The following GK variants were observed in gnomAD, a reference collection of about 807,000 sequenced individuals.
The protein encoded by GK is ATP:glycerol 3-phosphotransferase.
A neutral mutation model predicts 56.4 loss-of-function variants in GK; 9 were observed. The observed-to-expected ratio is 0.16, with a 90% CI of 0.10 to 0.28. GK has a LOEUF of 0.28. Ranked by LOEUF, GK falls within the 10% of genes least tolerant of loss-of-function variation. The pLI is 1.00. For synonymous variants in GK, 104 were observed against 144.1 expected (o/e 0.72, Z 1.99); for missense variants, 161 against 431.4 (o/e 0.37, Z 5.55).
intron 14 of GK, among the ~76,000 whole-genome samples, chrX:30,718,841 A>G (rs1335662589): frequency 8.9e-6 from 1 of 111,979 alleles, no homozygotes; most frequent in Admixed American, 9.5e-5. Flanking sequence ...TGTAGGGCAT[A>G]AAAATTACCC....
intron 16 of GK, 120 bp from the exon 17 acceptor site, chrX:30,720,501 G>A (rs1185244919): frequency 7.5e-6 from 5 of 666,450 alleles, no homozygotes; most frequent in Admixed American, 4.7e-5. Flanking sequence ...AGAATAAGAA[G>A]TCTCAATTTA....
At chrX:30,711,238 G>A (rs762336090) in intron 13 of GK, among the ~76,000 whole-genome samples, 65 of 109,414 alleles carry the variant, frequency 5.9e-4, no homozygotes, top group African/African-American at 2.1e-3. Flanking sequence ...CTGAGGATGA[G>A]TATAAAAGCC....
At chrX:30,661,815 A>G (rs965055703) in intron 1 of GK, among the ~76,000 whole-genome samples, 23 of 112,529 alleles carry the variant, frequency 2.0e-4, no homozygotes, top group Non-Finnish European at 1.1e-4. Flanking sequence ...CAGGCTAGAC[A>G]TTGTATAAAG....
chrX:30,699,058 G>A (rs1264292035), intron 9 of GK, among the ~76,000 whole-genome samples: 1 of 104,696 alleles, frequency 9.6e-6, no homozygotes, highest in Non-Finnish European at 1.9e-5. Flanking sequence ...TTTAACAGAC[G>A]GGATATCTAA....
chrX:30,657,971 G>T (rs989982894), intron 1 of GK, among the ~76,000 whole-genome samples: 1 of 112,264 alleles, frequency 8.9e-6, no homozygotes, highest in African/African-American at 3.2e-5. Flanking sequence ...TGATCATCTT[G>T]TGACTCAAAT....
chrX:30,704,924 G>A (rs1366082408), intron 11 of GK, among the ~76,000 whole-genome samples: 1 of 112,038 alleles, frequency 8.9e-6, no homozygotes, highest in Non-Finnish European at 1.9e-5. Context: ...TAGAAGCCTG[G>A]TTGCAAATGG....
At chrX:30,693,688 G>A (rs7878037) in intron 5 of GK, among the ~76,000 whole-genome samples, 54,733 of 109,576 alleles carry the variant, frequency 0.5, 10,886 homozygotes, top group African/African-American at 0.75. Flanking sequence ...AGCTGAGATT[G>A]CAGGTGTGTG....
chrX:30,718,504 A>T (rs1465282153), intron 13 of GK, 34 bp from the exon 14 acceptor site: 38 of 966,619 alleles, frequency 3.9e-5, no homozygotes, highest in Non-Finnish European at 4.3e-5. Flanking sequence ...TAGTGATAAA[A>T]TATATTCTGT....
At chrX:30,662,738 C>T (rs200190996) in intron 1 of GK, among the ~76,000 whole-genome samples, 746 of 73,651 alleles carry the variant, frequency 0.01, 5 homozygotes, top group Middle Eastern at 0.017. Flanking sequence ...TCTTTCTTTC[C>T]TTCTTTCTTT....
Position 30,677,466 on chromosome X carries a change from C to A in GK, c.337+14C>A. 1 of 934,877 alleles carries A rather than the reference C, an allele frequency of 1.1e-6. No individual in the cohort carries two copies. The highest frequency in any genetic ancestry group is 1.6e-6 in the Non-Finnish European group (1 of 642,482). The allele number at this position is 934,877 out of a possible 1,213,427, so 77.0% of individuals were successfully genotyped here. ...ACAATGCTGTGGGTAAGCTGTCATG[C>A]ATGGATGTCAAATGTAGGGCCTTTC... On this transcript the variant is annotated intron_variant, in intron 4 of 20. Coordinates refer to ENST00000427190, the MANE Select transcript of GK (RefSeq NM_001205019.2).
At chrX:30,686,859 T>C (rs374467897) in intron 4 of GK, among the ~76,000 whole-genome samples, 4 of 111,675 alleles carry the variant, frequency 3.6e-5, no homozygotes, top group African/African-American at 1.3e-4. Flanking sequence ...CTGCTTTACT[T>C]GGTGTAGATA....
chrX:30,694,328 TC>T, intron 5 of GK, 71 bp from the exon 6 acceptor site: 16 of 941,258 alleles, frequency 1.7e-5, no homozygotes, highest in Non-Finnish European at 2.2e-5. Context: ...TTTGTTGAGT[TC>T]TTTTGTTTGG....
intron 11 of GK, among the ~76,000 whole-genome samples, chrX:30,702,078 T>C (rs2147221923): frequency 9.0e-6 from 1 of 110,836 alleles, no homozygotes; most frequent in African/African-American, 3.3e-5. Context: ...GTTTCGTTCT[T>C]CTTGCCCAGG....
chrX:30,663,579 G>A (rs746893174), intron 1 of GK, among the ~76,000 whole-genome samples: 67 of 111,188 alleles, frequency 6.0e-4, no homozygotes, highest in African/African-American at 2.1e-3. Context: ...CCTTTGACTT[G>A]TAAGATATTT....
intron 4 of GK, among the ~76,000 whole-genome samples, chrX:30,690,437 C>T (rs1312647102): frequency 3.6e-5 from 4 of 111,670 alleles, no homozygotes; most frequent in Non-Finnish European, 3.8e-5. Flanking sequence ...AAACAGAAAT[C>T]GTTTCCACCA....
intron 4 of GK, among the ~76,000 whole-genome samples, chrX:30,682,386 C>T (rs1419256414): frequency 1.8e-5 from 2 of 111,568 alleles, no homozygotes; most frequent in African/African-American, 3.3e-5. Flanking sequence ...AGTGACAAAC[C>T]AGGAAGACCT....
At chrX:30,723,319 C>T (rs1333774088) in intron 18 of GK, among the ~76,000 whole-genome samples, 5 of 108,323 alleles carry the variant, frequency 4.6e-5, no homozygotes, top group Admixed American at 9.8e-5. Context: ...GGCGTGAACC[C>T]GGGAGGCAGA....
intron 5 of GK, among the ~76,000 whole-genome samples, chrX:30,693,168 C>T (rs2147198375): frequency 9.2e-6 from 1 of 108,928 alleles, no homozygotes; most frequent in African/African-American, 3.3e-5. Flanking sequence ...AGGTGCCCGC[C>T]ACCATGCCTG....
intron 1 of GK, among the ~76,000 whole-genome samples, chrX:30,664,491 C>G (rs1276447853): frequency 1.8e-5 from 2 of 108,594 alleles, no homozygotes; most frequent in Non-Finnish European, 3.8e-5. Flanking sequence ...AGCCACCACG[C>G]CCGGCAAAAC....
Sources: allele counts gnomAD v4.1 joint callset (sites outside exome capture counted in the v4.1 genomes callset), GRCh38; gene constraint gnomAD v4.1.1; transcripts MANE v1.5; gene names NCBI Gene and HGNC (gene_info 2026-07-23, HGNC 2026-07-21).